The following YJU2B variants were observed in gnomAD, a reference collection of about 807,000 sequenced individuals.
The protein encoded by YJU2B is probable splicing factor YJU2B.
Under a neutral mutation model 38.0 loss-of-function variants are expected in YJU2B, and 18 were observed. That is an observed-to-expected ratio of 0.47 (90% CI 0.33 to 0.70). The LOEUF (loss-of-function observed/expected upper bound fraction) is 0.70, where lower values mean the gene tolerates loss of function less well. YJU2B is among the 30% of genes least tolerant of loss of function. YJU2B has a pLI of 0.02. For missense variants in YJU2B, 538 were observed against 556.3 expected (o/e 0.97, Z 0.33); for synonymous variants, 246 against 225.4 (o/e 1.09, Z -0.82).
At chr19:13,746,200 T>C (rs1406127937), upstream of YJU2B, among the ~76,000 whole-genome samples, 1 of 151,474 alleles carries the variant, frequency 6.6e-6, no homozygotes, top group Non-Finnish European at 1.5e-5. Context: ...TGTAGTGAGC[T>C]GAGACCACAC....
rs757395593 is a variant in YJU2B at position 13,762,655 on chromosome 19, C to G, written c.778C>G (p.Pro260Ala). 3 of 1,564,986 alleles carry G rather than the reference C, an allele frequency of 1.9e-6. No homozygotes were observed. Among genetic ancestry groups the G allele is most frequent in the Non-Finnish European group, 2.6e-6 (3 of 1,162,060 alleles). The change falls in exon 10 of 10, where the codon CCC becomes GCC. Residue 260 changes from proline (P) to alanine (A), a missense_variant. Transcript: ENST00000221554. ...CAGCCGCTCCTGGTTCCCCTCTGCC[C>G]CCGGATCCGCCTCCAGCAGCAAGGT... ...IISRSWFPSAPGSASSSKVSG... is the reference protein window; with the variant it reads ...IISRSWFPSAAGSASSSKVSG...
upstream of YJU2B, among the ~76,000 whole-genome samples, chr19:13,745,744 GATAT>G (rs1187936353): frequency 1.2e-5 from 1 of 80,924 alleles, no homozygotes; most frequent in African/African-American, 5.1e-5. Context: ...TATATATATA[GATAT>G]ATATATATAT....
intron 8 of YJU2B, chr19:13,759,614 ATAATAGAAATTAATTTTTT>A (rs1973811922): frequency 5.9e-6 from 1 of 169,812 alleles, no homozygotes; most frequent in Non-Finnish European, 1.2e-5. Context: ...AAATAAATAA[ATAATAGAAATTAATTTTTT>A]TTTTGTTTTG....
In YJU2B at chr19:13,751,664, C is replaced by T; in HGVS notation, c.-145C>T. On this transcript the variant is annotated 5_prime_UTR_variant, in exon 2 of 10. Coordinates refer to ENST00000221554, the MANE Select transcript of YJU2B (RefSeq NM_030818.4). ...GGCGGGAGTCTTGTCTGAGCTGGCA[C>T]CACCACACGGCCCACGACATCTTCG... 1.2e-6 allele frequency: 1 copy of T among 805,848 alleles called. No individual in the cohort carries two copies. Among genetic ancestry groups the T allele is most frequent in the Non-Finnish European group, 2.1e-6 (1 of 481,976 alleles). The allele number at this position is 805,848 out of a possible 1,614,324, so 49.9% of individuals were successfully genotyped here. A position where few individuals can be genotyped will look rare whatever the true frequency, so the allele number is the denominator to read the frequency against.
At chr19:13,751,910 T>A in intron 2 of YJU2B, 99 bp downstream of exon 2, 2 of 1,125,082 alleles carry the variant, frequency 1.8e-6, no homozygotes, top group Non-Finnish European at 1.4e-6. Context: ...AGATGATGAT[T>A]TCAATCTCCG....
At position 13,751,741 on chromosome 19, in the gene YJU2B, C is replaced by A; in HGVS notation, c.-68C>A. Reference sequence around the variant, plus strand: ...GGCTCCACAAGAGGTCAGGACAGTGCAGTGTGTTCACAAGGCCAGTTTCTG... The same window carrying A: ...GGCTCCACAAGAGGTCAGGACAGTGAAGTGTGTTCACAAGGCCAGTTTCTG... On this transcript the variant is annotated 5_prime_UTR_variant, in exon 2 of 10. Transcript: ENST00000221554. 1.9e-6 allele frequency: 3 copies of A among 1,569,774 alleles called. No homozygotes were observed. The highest frequency in any genetic ancestry group is 2.6e-6 in the Non-Finnish European group (3 of 1,139,718).
chr19:13,742,564 C>T (rs1973123634), intron 2 of YJU2B, among the ~76,000 whole-genome samples: 2 of 152,136 alleles, frequency 1.3e-5, no homozygotes, highest in Admixed American at 6.6e-5. Flanking sequence ...GGAAGTTTTC[C>T]CTTTGCCCTA....
chr19:13,759,579 A>ACCCCCCCCCCCCC (rs3059652), intron 8 of YJU2B: 1 of 219,598 alleles, frequency 4.6e-6, no homozygotes, highest in Admixed American at 6.1e-5. Context: ...GTGAGACACC[A>ACCCCCCCCCCCCC]CCCCCCCCCT....
chr19:13,757,297 G>A lies in YJU2B; in HGVS notation c.141-121G>A, dbSNP rs78939543. The A allele has an allele frequency of 2.3e-5, 16 of 702,010 alleles. No homozygotes were observed. The East Asian group carries it at 2.9e-4, about 13-fold the overall frequency. 43.5% of individuals were successfully genotyped at this position (702,010 alleles called of 1,614,324 possible). ...GTGTAATGTGAGTGCAGCAACTCCC[G>A]TTAACAGGGCAGTCTAATACCCCAC... On this transcript the variant is annotated intron_variant, in intron 4 of 9. Coordinates refer to ENST00000221554, the MANE Select transcript of YJU2B (RefSeq NM_030818.4).
rs1243147584 is a variant in YJU2B at position 13,762,436 on chromosome 19, C to G, written c.711C>G (p.Asp237Glu). ...CTCTGCTGAAGTTCCACACCCTGGA[C>G]TGTGCGTAGGAGGCCAGGGGGAAAA... ...LAALLKFHTL[D>E]SYEDKQKLKR... The change falls in exon 9 of 10, where the codon GAC becomes GAG. Residue 237 changes from aspartate (D) to glutamate (E), a missense_variant and splice_region_variant. Transcript: ENST00000221554. 10 of 1,612,368 alleles carry G rather than the reference C, an allele frequency of 6.2e-6. No homozygotes were observed. Among genetic ancestry groups the G allele is most frequent in the Non-Finnish European group, 8.5e-6 (10 of 1,179,858 alleles).
At chr19:13,748,671 C>T (rs1266350894) in intron 1 of YJU2B, among the ~76,000 whole-genome samples, 1 of 152,152 alleles carries the variant, frequency 6.6e-6, no homozygotes, top group African/African-American at 2.4e-5. Context: ...TCAGTCTTGT[C>T]GTCGTCATTC....
chr19:13,743,922 A>G (rs372099780), upstream of YJU2B, among the ~76,000 whole-genome samples: 11 of 151,244 alleles, frequency 7.3e-5, no homozygotes, highest in African/African-American at 2.7e-4. Context: ...GGCTGGGCGC[A>G]GTGGCTCACG....
intron 3 of YJU2B, among the ~76,000 whole-genome samples, chr19:13,755,248 G>A (rs1973620050): frequency 6.6e-6 from 1 of 151,164 alleles, no homozygotes; most frequent in Non-Finnish European, 1.5e-5. Context: ...GGATCACCAG[G>A]TCGAGAGTTT....
intron 5 of YJU2B, 80 bp downstream of exon 5, chr19:13,757,553 G>C: frequency 5.1e-6 from 6 of 1,177,694 alleles, no homozygotes; most frequent in Non-Finnish European, 7.6e-6. Flanking sequence ...GTGGGGGTGG[G>C]AGGGTCCTGA....
intron 2 of YJU2B, among the ~76,000 whole-genome samples, chr19:13,736,085 G>A (rs346174): frequency 0.63 from 94,141 of 150,540 alleles, 29,737 homozygotes; most frequent in Middle Eastern, 0.73. Context: ...GCTCCACGAT[G>A]TGGTGTGTAT....
chr19:13,744,850 G>A (rs1448747002), upstream of YJU2B, among the ~76,000 whole-genome samples: 3 of 152,160 alleles, frequency 2.0e-5, no homozygotes, highest in Non-Finnish European at 4.4e-5. Context: ...AAAATTAGCC[G>A]GGTGTTGTGG....
chr19:13,736,572 G>A (rs1972953840), intron 2 of YJU2B, among the ~76,000 whole-genome samples: 1 of 151,474 alleles, frequency 6.6e-6, no homozygotes, highest in Non-Finnish European at 1.5e-5. Context: ...ATTTTATTTT[G>A]TACTTACCCA....
At chr19:13,745,646 C>CATAGATAGATAGATAGATAGATAG (rs1555699801), upstream of YJU2B, among the ~76,000 whole-genome samples, 209 of 116,380 alleles carry the variant, frequency 1.8e-3, no homozygotes, top group African/African-American at 3.1e-3. Context: ...AGCAAAACTC[C>CATAGATAGATAGATAGATAGATAG]ATAGATAGAT....
chr19:13,757,306 G>T, intron 4 of YJU2B, 112 bp from the exon 5 acceptor site: 1 of 743,926 alleles, frequency 1.3e-6, no homozygotes, highest in South Asian at 1.5e-5. Context: ...CGTTAACAGG[G>T]CAGTCTAATA....
Sources: allele counts gnomAD v4.1 joint callset (sites outside exome capture counted in the v4.1 genomes callset), GRCh38; gene constraint gnomAD v4.1.1; transcripts MANE v1.5; gene names NCBI Gene and HGNC (gene_info 2026-07-23, HGNC 2026-07-21).